Variants in TRABD2B observed in about 807,000 individuals in gnomAD.
TRABD2B encodes the protein metalloprotease TIKI2.
Under a neutral mutation model 40.1 loss-of-function variants are expected in TRABD2B, and 14 were observed. That is an observed-to-expected ratio of 0.35 (90% CI 0.23 to 0.55). The LOEUF is 0.55. Ranked by LOEUF, TRABD2B falls within the 20% of genes least tolerant of loss-of-function variation. TRABD2B has a pLI of 0.90. For missense variants in TRABD2B, 541 were observed against 648.6 expected, an observed-to-expected ratio of 0.83 and a Z score of 1.80; for synonymous variants, 263 against 277.0, an observed-to-expected ratio of 0.95 and a Z score of 0.50.
chr1:47,921,214 C>G (rs1337181079), intron 2 of TRABD2B, among the ~76,000 whole-genome samples: 1 of 152,182 alleles, frequency 6.6e-6, no homozygotes. Context: ...AATGACAGGT[C>G]ACGGTAGACC....
intron 2 of TRABD2B, among the ~76,000 whole-genome samples, chr1:47,869,621 C>G (rs1283648560): frequency 6.6e-6 from 1 of 152,054 alleles, no homozygotes; most frequent in African/African-American, 2.4e-5. Context: ...CAGTTCTTGG[C>G]CAGGGTTACT....
chr1:47,854,455 TA>T (rs1643871157), intron 2 of TRABD2B, among the ~76,000 whole-genome samples: 1 of 152,200 alleles, frequency 6.6e-6, no homozygotes, highest in African/African-American at 2.4e-5. Context: ...TGAGGTCACA[TA>T]ATCAAGATGT....
intron 6 of TRABD2B, among the ~76,000 whole-genome samples, chr1:47,767,090 A>C (rs183281824): frequency 1.6e-4 from 24 of 152,306 alleles, no homozygotes; most frequent in African/African-American, 5.8e-4. Context: ...TAACACAGGG[A>C]CTGAGGAGGG....
At chr1:47,962,827 A>G (rs1356098254) in intron 2 of TRABD2B, among the ~76,000 whole-genome samples, 1 of 152,208 alleles carries the variant, frequency 6.6e-6, no homozygotes, top group African/African-American at 2.4e-5. Context: ...ACACTGATGC[A>G]TTCTGACTCT....
chr1:47,988,882 G>A (rs770877113), intron 2 of TRABD2B, among the ~76,000 whole-genome samples: 13 of 152,184 alleles, frequency 8.5e-5, no homozygotes, highest in Non-Finnish European at 1.2e-4. Flanking sequence ...CTTTGAATAC[G>A]ACCTGCCTAT....
At chr1:47,938,506 T>G (rs1365779002) in intron 2 of TRABD2B, among the ~76,000 whole-genome samples, 1 of 152,206 alleles carries the variant, frequency 6.6e-6, no homozygotes, top group Non-Finnish European at 1.5e-5. Flanking sequence ...CAACCTGTCT[T>G]CTTTTTGGAA....
intron 2 of TRABD2B, among the ~76,000 whole-genome samples, chr1:47,852,283 C>T (rs1645560371): frequency 6.6e-6 from 1 of 152,128 alleles, no homozygotes; most frequent in Non-Finnish European, 1.5e-5. Context: ...GAGCTCCTGG[C>T]CCCATGGAGC....
chr1:47,950,276 C>T (rs193066662), intron 2 of TRABD2B, among the ~76,000 whole-genome samples: 11 of 151,844 alleles, frequency 7.2e-5, no homozygotes, highest in Admixed American at 4.6e-4. Context: ...TAGAGCAAGA[C>T]TCCGTCTCAA....
chr1:47,807,343 T>C (rs1039535814), intron 2 of TRABD2B, among the ~76,000 whole-genome samples: 7 of 152,198 alleles, frequency 4.6e-5, no homozygotes, highest in African/African-American at 1.4e-4. Flanking sequence ...TTTTAGGGCA[T>C]CTCTTAGTAT....
intron 2 of TRABD2B, among the ~76,000 whole-genome samples, chr1:47,880,182 C>T (rs767684522): frequency 4.8e-4 from 73 of 152,024 alleles, no homozygotes; most frequent in Non-Finnish European, 9.3e-4. Flanking sequence ...TGGGGGTGGT[C>T]GTGGGCACCT....
chr1:47,849,155 A>G (rs77005357), intron 2 of TRABD2B, among the ~76,000 whole-genome samples: 2 of 152,178 alleles, frequency 1.3e-5, no homozygotes, highest in African/African-American at 4.8e-5. Flanking sequence ...TCCCACCCCC[A>G]GGACCTCAGA....
chr1:47,845,669 T>C (rs1645458950), intron 2 of TRABD2B, among the ~76,000 whole-genome samples: 1 of 152,202 alleles, frequency 6.6e-6, no homozygotes, highest in African/African-American at 2.4e-5. Flanking sequence ...AAATTCATTA[T>C]AGAGTGGGTG....
chr1:47,933,224 G>T (rs1645063269), intron 2 of TRABD2B, among the ~76,000 whole-genome samples: 3 of 151,468 alleles, frequency 2.0e-5, no homozygotes, highest in African/African-American at 7.3e-5. Flanking sequence ...TCCTGCCTCA[G>T]CCTCCTGAGT....
Position 47,878,605 on chromosome 1 carries a change from A to G in TRABD2B, c.667-76986T>C, listed in dbSNP as rs571063501. Among the ~76,000 whole-genome samples, 9 of 152,350 alleles carry G rather than the reference A, an allele frequency of 5.9e-5. No homozygotes were observed. The South Asian group carries it at 1.9e-3, about 32-fold the overall frequency. ...CAAGCAATAGCATTTATATGACACT[A>G]CTACATTTTTAAAAATTAAAGGAAT... On this transcript the variant is annotated intron_variant, in intron 2 of 6. Transcript: ENST00000606738.
intron 2 of TRABD2B, among the ~76,000 whole-genome samples, chr1:47,846,512 C>A (rs1570111754): frequency 6.6e-6 from 1 of 152,166 alleles, no homozygotes; most frequent in South Asian, 2.1e-4. Flanking sequence ...CATTTCCTCA[C>A]CTGTGGAGGG....
At chr1:47,965,219 G>C (rs1570381051) in intron 2 of TRABD2B, among the ~76,000 whole-genome samples, 1 of 111,576 alleles carries the variant, frequency 9.0e-6, no homozygotes, top group African/African-American at 3.4e-5. Context: ...GGTGGAGGGG[G>C]GGGTGGGGGG....
At chr1:47,870,698 T>C (rs1007276320) in intron 2 of TRABD2B, among the ~76,000 whole-genome samples, 1 of 152,174 alleles carries the variant, frequency 6.6e-6, no homozygotes, top group Admixed American at 6.5e-5. Context: ...GCTCAGGGTC[T>C]AGTGTGGGAC....
At chr1:47,896,074 C>T (rs1644516475) in intron 2 of TRABD2B, among the ~76,000 whole-genome samples, 1 of 152,264 alleles carries the variant, frequency 6.6e-6, no homozygotes, top group African/African-American at 2.4e-5. Flanking sequence ...CAGGCTGTCC[C>T]TGCATCTGTC....
chr1:47,788,794 C>G (rs965786665), intron 4 of TRABD2B, among the ~76,000 whole-genome samples: 5 of 152,280 alleles, frequency 3.3e-5, no homozygotes, highest in African/African-American at 1.2e-4. Flanking sequence ...TGTGTGATAA[C>G]CACTGGTTCT....
Sources: allele counts gnomAD v4.1 joint callset (sites outside exome capture counted in the v4.1 genomes callset), GRCh38; gene constraint gnomAD v4.1.1; transcripts MANE v1.5; gene names NCBI Gene and HGNC (gene_info 2026-07-23, HGNC 2026-07-21).